Variants in ECHDC1 observed in about 807,000 individuals in gnomAD.
The protein encoded by ECHDC1 is ethylmalonyl-CoA decarboxylase 1.
A neutral mutation model predicts 29.7 loss-of-function variants in ECHDC1; 29 were observed. The ratio of observed to expected loss-of-function variants is 0.98; its 90% confidence interval spans 0.73 to 1.33. The LOEUF is 1.33. ECHDC1 is among the 40% of genes most tolerant of loss of function. ECHDC1 has a pLI of 0.00. For synonymous variants in ECHDC1, 126 were observed against 123.1 expected, an observed-to-expected ratio of 1.02 and a Z score of -0.15; for missense variants, 328 against 350.0, an observed-to-expected ratio of 0.94 and a Z score of 0.50.
intron 5 of ECHDC1, among the ~76,000 whole-genome samples, chr6:127,299,787 C>T (rs1300806434): frequency 6.6e-6 from 1 of 152,132 alleles, no homozygotes; most frequent in Non-Finnish European, 1.5e-5. Flanking sequence ...CACTCACTTA[C>T]CCAGAGAGAC....
Position 127,289,753 on chromosome 6 carries a change from C to T in ECHDC1, c.*116G>A, listed in dbSNP as rs367650458. 4 of 1,040,544 alleles carry T rather than the reference C, an allele frequency of 3.8e-6. No homozygotes were observed. The African/African-American group carries it at 4.8e-5, about 13-fold the overall frequency. The allele number at this position is 1,040,544 out of a possible 1,614,324, so 64.5% of individuals were successfully genotyped here. A position where few individuals can be genotyped will look rare whatever the true frequency, so the allele number is the denominator to read the frequency against. ...GATATTCAAATGATTAAAAGTAAGTCTGCATATTAATAGTAGCCTTCAAAG... is the reference window on the plus strand; with the variant it reads ...GATATTCAAATGATTAAAAGTAAGTTTGCATATTAATAGTAGCCTTCAAAG... On this transcript the variant is annotated 3_prime_UTR_variant, in exon 6 of 6. Coordinates refer to ENST00000454859, the MANE Select transcript of ECHDC1 (RefSeq NM_001002030.2).
intron 2 of ECHDC1, among the ~76,000 whole-genome samples, chr6:127,329,461 C>T (rs1177983004): frequency 1.3e-5 from 2 of 152,192 alleles, no homozygotes; most frequent in East Asian, 3.9e-4. Flanking sequence ...AGAAATTTTA[C>T]CTTTCAATTT....
At chr6:127,326,769 T>G in intron 3 of ECHDC1, 2 of 463,540 alleles carry the variant, frequency 4.3e-6, no homozygotes, top group Non-Finnish European at 7.7e-6. Flanking sequence ...AACAGTAATT[T>G]CAAAGCTTTT....
intron 5 of ECHDC1, among the ~76,000 whole-genome samples, chr6:127,308,458 T>TA (rs1245312312): frequency 3.3e-5 from 5 of 152,046 alleles, no homozygotes; most frequent in Non-Finnish European, 5.9e-5. Flanking sequence ...CCCTTCATGA[T>TA]AAAAAACTAC....
chr6:127,293,308 T>TA (rs1780346197), intron 5 of ECHDC1, among the ~76,000 whole-genome samples: 1 of 152,184 alleles, frequency 6.6e-6, no homozygotes, highest in Non-Finnish European at 1.5e-5. Flanking sequence ...TGTTGATTAT[T>TA]AAAGCAAGGT....
At chr6:127,340,402 C>A (rs1263372492) in intron 1 of ECHDC1, among the ~76,000 whole-genome samples, 12 of 152,170 alleles carry the variant, frequency 7.9e-5, no homozygotes. Context: ...TCTCTCCTCT[C>A]TGCAACCTAG....
At chr6:127,336,660 C>A (rs1341897672) in intron 1 of ECHDC1, among the ~76,000 whole-genome samples, 1 of 152,092 alleles carries the variant, frequency 6.6e-6, no homozygotes, top group East Asian at 1.9e-4. Flanking sequence ...TGCTCTAAGG[C>A]ACACAGAACT....
At chr6:127,297,078 T>G (rs555535563) in intron 5 of ECHDC1, among the ~76,000 whole-genome samples, 1 of 152,160 alleles carries the variant, frequency 6.6e-6, no homozygotes, top group Non-Finnish European at 1.5e-5. Flanking sequence ...TCCTTACCCA[T>G]GAAATTGGCA....
intron 5 of ECHDC1, among the ~76,000 whole-genome samples, chr6:127,295,573 TTTGA>T (rs1780531798): frequency 6.6e-6 from 1 of 152,228 alleles, no homozygotes; most frequent in Non-Finnish European, 1.5e-5. Context: ...AAATTTAATT[TTTGA>T]TTATCAAAAT....
Position 127,314,319 on chromosome 6 carries a change from G to A in ECHDC1, c.497+497C>T, listed in dbSNP as rs560019621. Reference sequence around the variant, plus strand: ...GGAGTGAAGAGCTATTGGTCCCAAAGAACTTTCTCTATTTTTAGTCCCTAA... The same window carrying A: ...GGAGTGAAGAGCTATTGGTCCCAAAAAACTTTCTCTATTTTTAGTCCCTAA... On this transcript the variant is annotated intron_variant, in intron 5 of 5. Transcript: ENST00000454859. 2.0e-4 allele frequency among the ~76,000 whole-genome samples: 31 copies of A among 152,208 alleles called. No individual in the cohort carries two copies. In the South Asian group the frequency reaches 6.0e-3, roughly 30 times the overall value.
At chr6:127,337,433 G>C (rs189327676) in intron 1 of ECHDC1, among the ~76,000 whole-genome samples, 1 of 152,108 alleles carries the variant, frequency 6.6e-6, no homozygotes, top group Non-Finnish European at 1.5e-5. Context: ...CAGGTCTTTA[G>C]ACAAACTCAA....
At position 127,327,181 on chromosome 6, in the gene ECHDC1, A is replaced by G. The variant is rs755250509; in HGVS notation, c.221-37T>C. The G allele has an allele frequency of 3.1e-6, 5 of 1,600,044 alleles. No homozygotes were observed. The South Asian group carries it at 5.6e-5, about 18-fold the overall frequency. ...GGAAGTGGGAAATCACAAATATATG[A>G]AGGTGACTGGAAAAACAGAAATAAT... On this transcript the variant is annotated intron_variant, in intron 2 of 5. Transcript: ENST00000454859.
At chr6:127,296,321 G>T (rs114674046) in intron 5 of ECHDC1, among the ~76,000 whole-genome samples, 2,514 of 152,184 alleles carry the variant, frequency 0.017, 47 homozygotes, top group African/African-American at 0.044. Context: ...AGCCTCCAGA[G>T]TAGCTGCAAC....
At chr6:127,322,608 C>T (rs1336816298) in intron 3 of ECHDC1, among the ~76,000 whole-genome samples, 1 of 150,270 alleles carries the variant, frequency 6.7e-6, no homozygotes, top group African/African-American at 2.4e-5. Flanking sequence ...ATGACTTATG[C>T]CAGACCAATG....
intron 5 of ECHDC1, among the ~76,000 whole-genome samples, chr6:127,308,739 C>T (rs1781644268): frequency 6.6e-6 from 1 of 152,042 alleles, no homozygotes; most frequent in Non-Finnish European, 1.5e-5. Context: ...ATTATACAAT[C>T]TATGTCTGGA....
intron 4 of ECHDC1, chr6:127,315,734 A>G (rs1160139795): frequency 2.9e-6 from 1 of 341,116 alleles, no homozygotes; most frequent in Non-Finnish European, 5.9e-6. Context: ...ATACTATTTT[A>G]GAATAGTAAT....
intron 5 of ECHDC1, among the ~76,000 whole-genome samples, chr6:127,295,661 G>A (rs2114557876): frequency 6.6e-6 from 1 of 152,282 alleles, no homozygotes; most frequent in African/African-American, 2.4e-5. Context: ...TTTTCTGCTG[G>A]TGGTAATATA....
chr6:127,293,928 C>T (rs925512305), intron 5 of ECHDC1, among the ~76,000 whole-genome samples: 6 of 152,046 alleles, frequency 3.9e-5, no homozygotes, highest in Non-Finnish European at 7.4e-5. Flanking sequence ...TCTTCTTCTT[C>T]GATGTTGGTT....
rs199709801 is a variant in ECHDC1, at chr6:127,342,340, A to G, written c.-3+996T>C. On this transcript the variant is annotated intron_variant, in intron 1 of 5. Coordinates refer to ENST00000454859, the MANE Select transcript of ECHDC1 (RefSeq NM_001002030.2). ...TCAACTCTCCAACTACCCTGTTTAT[A>G]ATCCTCACAACTCACCCTGTTTCAA... 213 of 1,543,114 alleles carry G rather than the reference A, an allele frequency of 1.4e-4. 2 individuals are homozygous for G. The highest frequency in any genetic ancestry group is 1.0e-3 in the Admixed American group (52 of 49,942).
Sources: gnomAD v4.1 joint callset for allele counts (sites outside exome capture counted in the v4.1 genomes callset) on GRCh38, gnomAD v4.1.1 for gene constraint, MANE v1.5 for transcripts, NCBI Gene and HGNC (gene_info 2026-07-23, HGNC 2026-07-21) for gene names.